The following DGKB variants were observed in gnomAD, a reference collection of about 807,000 sequenced individuals.
The protein encoded by DGKB is diacylglycerol kinase beta, also known as 90 kDa diacylglycerol kinase.
In DGKB, 67 loss-of-function variants were observed where a neutral mutation model predicts 114.3. The ratio of observed to expected loss-of-function variants is 0.59; its 90% CI spans 0.48 to 0.72. The LOEUF (loss-of-function observed/expected upper bound fraction) is 0.72. Among genes scored for constraint, DGKB ranks in the 30% least tolerant of loss-of-function variants. DGKB has a pLI of 0.00. For missense variants in DGKB, 907 were observed against 975.2 expected, an observed-to-expected ratio of 0.93 and a Z score of 0.93; for synonymous variants, 398 against 323.1, an observed-to-expected ratio of 1.23 and a Z score of -2.49.
At chr7:14,409,913 C>G (rs778212366) in intron 21 of DGKB, among the ~76,000 whole-genome samples, 1 of 151,992 alleles carries the variant, frequency 6.6e-6, no homozygotes, top group Admixed American at 6.6e-5. Flanking sequence ...TGTAAGAAAA[C>G]AGTGTAGTAG....
At chr7:14,744,574 T>C (rs895500893) in intron 4 of DGKB, among the ~76,000 whole-genome samples, 3 of 152,200 alleles carry the variant, frequency 2.0e-5, no homozygotes, top group Non-Finnish European at 4.4e-5. Flanking sequence ...ATGGCTGGGC[T>C]GGGCTTTCCA....
intron 23 of DGKB, among the ~76,000 whole-genome samples, chr7:14,205,395 T>C (rs933820968): frequency 6.6e-6 from 1 of 151,918 alleles, no homozygotes; most frequent in Admixed American, 6.6e-5. Context: ...TCTTTTCTTA[T>C]GTTTTAAAGC....
chr7:14,414,983 G>A (rs1483317883), intron 21 of DGKB, among the ~76,000 whole-genome samples: 1 of 149,080 alleles, frequency 6.7e-6, no homozygotes, highest in African/African-American at 2.4e-5. Context: ...TGTGATCTAT[G>A]TTGAAACAAA....
At chr7:14,269,952 T>G (rs548979750) in intron 23 of DGKB, among the ~76,000 whole-genome samples, 1 of 148,204 alleles carries the variant, frequency 6.7e-6, no homozygotes, top group South Asian at 2.1e-4. Context: ...AATTAATAAG[T>G]AGGTACCTTG....
intron 23 of DGKB, among the ~76,000 whole-genome samples, chr7:14,292,936 A>T (rs1367207194): frequency 6.6e-6 from 1 of 152,212 alleles, no homozygotes; most frequent in Non-Finnish European, 1.5e-5. Context: ...TAAATGAGTC[A>T]TTCAGTATTC....
At chr7:14,424,455 A>G (rs555567138) in intron 21 of DGKB, among the ~76,000 whole-genome samples, 76 of 151,820 alleles carry the variant, frequency 5.0e-4, no homozygotes, top group South Asian at 3.1e-3. Flanking sequence ...GCCTTCTCTG[A>G]CCACCCTATA....
At chr7:14,296,744 A>G (rs1802632613) in intron 23 of DGKB, among the ~76,000 whole-genome samples, 2 of 148,558 alleles carry the variant, frequency 1.3e-5, no homozygotes, top group South Asian at 2.1e-4. Flanking sequence ...TAAAAAAATC[A>G]GTGAATCCAG....
chr7:14,240,143 A>G (rs991877536), intron 23 of DGKB, among the ~76,000 whole-genome samples: 5 of 152,072 alleles, frequency 3.3e-5, no homozygotes, highest in African/African-American at 9.7e-5. Context: ...CAATATATAT[A>G]TGCCCAATAA....
intron 12 of DGKB, 49 bp downstream of exon 12, chr7:14,682,504 G>C (rs368607188): frequency 8.0e-7 from 1 of 1,245,390 alleles, no homozygotes; most frequent in Non-Finnish European, 1.2e-6. Context: ...TGATATACAC[G>C]TCTTCAGTGT....
At chr7:14,840,733 CA>C (rs1847815108) in intron 2 of DGKB, among the ~76,000 whole-genome samples, 6 of 147,242 alleles carry the variant, frequency 4.1e-5, no homozygotes, top group Admixed American at 6.8e-5. Flanking sequence ...CACACACACA[CA>C]CACACACACA....
intron 17 of DGKB, among the ~76,000 whole-genome samples, chr7:14,583,732 T>C (rs114657639): frequency 1.2e-3 from 185 of 152,308 alleles, no homozygotes; most frequent in African/African-American, 4.4e-3. Context: ...AGGAACACTC[T>C]AGCCTAATTG....
chr7:14,514,639 C>A (rs1466856145), intron 20 of DGKB, among the ~76,000 whole-genome samples: 1 of 152,076 alleles, frequency 6.6e-6, no homozygotes, highest in Non-Finnish European at 1.5e-5. Context: ...ATATTGAGAT[C>A]TTATTTGTAT....
chr7:14,623,484 A>G (rs538679285), intron 14 of DGKB, among the ~76,000 whole-genome samples: 1 of 152,300 alleles, frequency 6.6e-6, no homozygotes, highest in East Asian at 1.9e-4. Flanking sequence ...TCAAGCATTG[A>G]ATTTATTCCT....
intron 23 of DGKB, among the ~76,000 whole-genome samples, chr7:14,309,654 C>T (rs1409558338): frequency 6.6e-6 from 1 of 152,144 alleles, no homozygotes; most frequent in Non-Finnish European, 1.5e-5. Context: ...GTATCTTCTA[C>T]CCACTTGAAG....
At chr7:14,689,707 G>A (rs932615073) in intron 9 of DGKB, among the ~76,000 whole-genome samples, 1 of 152,100 alleles carries the variant, frequency 6.6e-6, no homozygotes, top group Admixed American at 6.6e-5. Context: ...CATTCATCTA[G>A]TTTTGTAACT....
chr7:14,814,653 A>T (rs921992504), intron 2 of DGKB, among the ~76,000 whole-genome samples: 1 of 152,276 alleles, frequency 6.6e-6, no homozygotes, highest in East Asian at 1.9e-4. Flanking sequence ...CTCATTTCCC[A>T]CTCAACATTC....
At chr7:14,454,883 G>A (rs13243691) in intron 21 of DGKB, among the ~76,000 whole-genome samples, 49,899 of 151,672 alleles carry the variant, frequency 0.33, 8,801 homozygotes, top group South Asian at 0.41. Flanking sequence ...ACAATCCTGA[G>A]AACTAAGAAT....
intron 21 of DGKB, among the ~76,000 whole-genome samples, chr7:14,364,020 A>G (rs78848187): frequency 3.3e-4 from 50 of 152,234 alleles, no homozygotes; most frequent in African/African-American, 1.2e-3. Flanking sequence ...ACAAGTTTCT[A>G]TAGTACAGGT....
intron 20 of DGKB, among the ~76,000 whole-genome samples, chr7:14,569,950 G>T (rs182122586): frequency 8.8e-4 from 133 of 151,186 alleles, no homozygotes; most frequent in African/African-American, 3.2e-3. Flanking sequence ...CAATTTTTTT[G>T]TTATTGTTTC....
Sources: allele counts gnomAD v4.1 joint callset (sites outside exome capture counted in the v4.1 genomes callset), GRCh38; gene constraint gnomAD v4.1.1; transcripts MANE v1.5; gene names NCBI Gene and HGNC (gene_info 2026-07-23, HGNC 2026-07-21).